Variants in ZSCAN1 observed in about 807,000 individuals in gnomAD.
ZSCAN1 encodes zinc finger and SCAN domain containing 1.
ZSCAN1 carries 23 observed loss-of-function variants against 23.8 expected under a neutral mutation model. The observed-to-expected ratio is 0.97, with a 90% CI of 0.70 to 1.37. ZSCAN1 has a LOEUF of 1.37. Among genes scored for constraint, ZSCAN1 ranks in the 40% most tolerant of loss-of-function variants. The pLI, the probability that ZSCAN1 is intolerant of heterozygous loss-of-function variation, is 0.00. For missense variants in ZSCAN1, 575 were observed against 554.0 expected (o/e 1.04, Z -0.38); for synonymous variants, 236 against 232.3 (o/e 1.02, Z -0.15).
At chr19:58,041,217 G>A (rs1348508352) in intron 4 of ZSCAN1, among the ~76,000 whole-genome samples, 1 of 152,228 alleles carries the variant, frequency 6.6e-6, no homozygotes, top group Non-Finnish European at 1.5e-5. Flanking sequence ...GGGAAACACA[G>A]CACGGTCGAA....
At chr19:58,038,759 G>A (rs759294132) in intron 3 of ZSCAN1, among the ~76,000 whole-genome samples, 1 of 152,190 alleles carries the variant, frequency 6.6e-6, no homozygotes, top group Admixed American at 6.5e-5. Flanking sequence ...GTGACCCCAC[G>A]TCGAGATTCC....
At position 58,046,366 on chromosome 19, in the gene ZSCAN1, T is replaced by G. The variant is rs143404896; in HGVS notation, c.465+5822T>G. The G allele has an allele frequency of 4.1e-4, 378 of 926,044 alleles. 2 individuals are homozygous for G. The African/African-American group carries it at 5.1e-3, about 13-fold the overall frequency. 57.4% of individuals were successfully genotyped at this position (926,044 alleles called of 1,614,324 possible). A position where few individuals can be genotyped will look rare whatever the true frequency, so the allele number is the denominator to read the frequency against. On this transcript the variant is annotated intron_variant, in intron 4 of 5. Coordinates refer to ENST00000282326, the MANE Select transcript of ZSCAN1 (RefSeq NM_182572.4). ...TGGTGAAGAAAAATACATGGAAGGA[T>G]CTAAAGCCAGCAAGAGATTGACAAA...
intron 2 of ZSCAN1, among the ~76,000 whole-genome samples, chr19:58,036,608 T>C (rs1018709686): frequency 6.6e-6 from 1 of 150,546 alleles, no homozygotes; most frequent in East Asian, 2.0e-4. Context: ...CTCCGCCTCC[T>C]GGGTTCAAGC....
In ZSCAN1 at chr19:58,038,100, C is replaced by T. The variant is rs765259125; in HGVS notation, c.264C>T (p.Gly88=). 5.6e-6 allele frequency: 9 copies of T among 1,611,006 alleles called. No homozygotes were observed. Among genetic ancestry groups the T allele is most frequent in the East Asian group, 2.2e-5 (1 of 44,872 alleles). Residue 88 remains glycine (G), a synonymous_variant, in exon 3 of 6, where the codon GGC becomes GGT. Coordinates refer to ENST00000282326, the MANE Select transcript of ZSCAN1 (RefSeq NM_182572.4). ...LELLVLEQFL[G]ALPSKMRTWV... ...TGCTGGTGCTGGAGCAGTTCCTGGG[C>T]GCGCTGCCCAGCAAGATGCGGACCT...
chr19:58,046,585 C>A (rs768713826), intron 4 of ZSCAN1: 2 of 841,242 alleles, frequency 2.4e-6, no homozygotes, highest in Admixed American at 1.7e-5. Flanking sequence ...GGCCGCAGCA[C>A]TGAATGAAAA....
intron 3 of ZSCAN1, among the ~76,000 whole-genome samples, chr19:58,039,063 C>T (rs538895175): frequency 1.3e-5 from 2 of 152,362 alleles, no homozygotes; most frequent in African/African-American, 4.8e-5. Flanking sequence ...ACAGCATTTC[C>T]GTAGACCAAC....
At chr19:58,041,001 T>C (rs571862982) in intron 4 of ZSCAN1, among the ~76,000 whole-genome samples, 1 of 152,112 alleles carries the variant, frequency 6.6e-6, no homozygotes, top group South Asian at 2.1e-4. Flanking sequence ...CCCGGCTCGG[T>C]TGGGAGCCAA....
rs2073760553 is a variant in ZSCAN1 at position 58,038,645 on chromosome 19, CTG to C, written c.370+440_370+441del. Among the ~76,000 whole-genome samples, 15 of 152,352 alleles carry C rather than the reference CTG, an allele frequency of 9.8e-5. No individual in the cohort carries two copies. The South Asian group carries it at 3.1e-3, about 32-fold the overall frequency. ...AGACGCTTAGGTCTGCATCCCGACT[CTG>C]GGAGCTGGGAAATTTGGGGTTGAAA... On this transcript the variant is annotated intron_variant, in intron 3 of 5. Coordinates refer to ENST00000282326, the MANE Select transcript of ZSCAN1 (RefSeq NM_182572.4).
chr19:58,044,599 CT>C, intron 4 of ZSCAN1: 1 of 1,015,158 alleles, frequency 9.9e-7, no homozygotes, highest in Non-Finnish European at 1.5e-6. Context: ...CGGCGTCCAT[CT>C]TAATGAGGAG....
In ZSCAN1 at chr19:58,049,802, G is replaced by GC. The variant is rs140847336; in HGVS notation, c.466-2687dup. ...GCTGGGGTCCCTGGTGGTTCCCACC[G>GC]CGTAGCTGATACTCGTGGCCCCTGC... On this transcript the variant is annotated intron_variant, in intron 4 of 5. Coordinates refer to ENST00000282326, the MANE Select transcript of ZSCAN1 (RefSeq NM_182572.4). The surrounding 1 kb of genome is among the most constrained non-coding windows in gnomAD (Gnocchi z 4.5). Among the ~76,000 whole-genome samples the GC allele has an allele frequency of 0.016, 2,492 of 152,310 alleles. 18 individuals carry two copies. The highest frequency in any genetic ancestry group is 0.023 in the Non-Finnish European group (1,572 of 68,030).
chr19:58,041,640 G>C (rs1317585285), intron 4 of ZSCAN1, among the ~76,000 whole-genome samples: 1 of 152,176 alleles, frequency 6.6e-6, no homozygotes, highest in Non-Finnish European at 1.5e-5. Flanking sequence ...GAGGCCTCAC[G>C]GGAGGCTGAG....
chr19:58,044,858 C>A, intron 4 of ZSCAN1: 1 of 770,890 alleles, frequency 1.3e-6, no homozygotes, highest in Non-Finnish European at 2.3e-6. Flanking sequence ...TGGACCTCCA[C>A]CTCTGTGGGT....
At position 58,053,896 on chromosome 19, in the gene ZSCAN1, C is replaced by CG. The variant is rs2123447282; in HGVS notation, c.1075dup (p.Glu359GlyfsTer25). 6.2e-7 allele frequency: 1 copy of CG among 1,613,244 alleles called. No homozygotes were observed. Among genetic ancestry groups the CG allele is most frequent in the Non-Finnish European group, 8.5e-7 (1 of 1,179,358 alleles). On this transcript the variant is annotated frameshift_variant, in exon 6 of 6. Coordinates refer to ENST00000282326, the MANE Select transcript of ZSCAN1 (RefSeq NM_182572.4). LOFTEE classifies it low-confidence loss of function (END_TRUNC). This position sits in a 1 kb window ranked among gnomAD's most constrained non-coding sequence, Gnocchi z 5.8. The stretch of plus-strand genomic sequence containing the variant: ...GAAAGCCCCCCGGAGCAAGGGCCCC[C>CG]GGGAGTCCGTCCCACCCAGGGATGG...
chr19:58,056,183 A>G (rs148471083), downstream of ZSCAN1, among the ~76,000 whole-genome samples: 424 of 152,270 alleles, frequency 2.8e-3, 2 homozygotes, highest in Middle Eastern at 6.8e-3. Context: ...TCCTGCAGCC[A>G]ACAGGGTCCC....
intron 3 of ZSCAN1, chr19:58,038,524 C>A: frequency 1.8e-6 from 1 of 555,758 alleles, no homozygotes; most frequent in South Asian, 2.4e-5. Context: ...CCACTTCCTC[C>A]CAGCCACCTG....
At position 58,040,371 on chromosome 19, in the gene ZSCAN1, C is replaced by G; in HGVS notation, c.371-79C>G. 2 of 1,485,672 alleles carry G rather than the reference C, an allele frequency of 1.3e-6. No homozygotes were observed. The highest frequency in any genetic ancestry group is 1.9e-6 in the Non-Finnish European group (2 of 1,069,606). The allele number at this position is 1,485,672 out of a possible 1,614,324, so 92.0% of individuals were successfully genotyped here. A position where few individuals can be genotyped will look rare whatever the true frequency, so the allele number is the denominator to read the frequency against. ...TGCTGCAGGGATGTTCGGGGAAAGT[C>G]TGCCCTCCCCAGAAGGCCTGGAGAA... is the stretch of plus-strand genomic sequence containing the variant. On this transcript the variant is annotated intron_variant, in intron 3 of 5. Transcript: ENST00000282326. The surrounding 1 kb of genome is among the most constrained non-coding windows in gnomAD (Gnocchi z 5.8).
At chr19:58,044,868 T>A in intron 4 of ZSCAN1, 1 of 772,026 alleles carries the variant, frequency 1.3e-6, no homozygotes, top group South Asian at 1.4e-5. Flanking sequence ...CCTCTGTGGG[T>A]TTTGTGGTCC....
chr19:58,052,954 CAT>C (rs1452809721), intron 5 of ZSCAN1, among the ~76,000 whole-genome samples: 2 of 126,048 alleles, frequency 1.6e-5, no homozygotes, highest in Non-Finnish European at 3.3e-5. Context: ...GCTCCCAAAA[CAT>C]GTGCCTTTTT....
chr19:58,037,949 G>T lies in ZSCAN1; in HGVS notation c.113G>T (p.Arg38Leu). 1 of 1,603,836 alleles carries T rather than the reference G, an allele frequency of 6.2e-7. No homozygotes were observed. Among genetic ancestry groups the T allele is most frequent in the African/African-American group, 1.3e-5 (1 of 74,948 alleles). ...PASPRDTEAQ[R>L]LRFRQFQYHV... ...AGCCCCAGGGACACCGAAGCCCAGCGTCTGCGCTTCCGGCAGTTCCAGTAC... is the reference window on the plus strand; with the variant it reads ...AGCCCCAGGGACACCGAAGCCCAGCTTCTGCGCTTCCGGCAGTTCCAGTAC... Residue 38 changes from arginine (R) to leucine (L), a missense_variant, in exon 3 of 6, where the codon CGT becomes CTT. Coordinates refer to ENST00000282326, the MANE Select transcript of ZSCAN1 (RefSeq NM_182572.4).
Sources: allele counts gnomAD v4.1 joint callset (sites outside exome capture counted in the v4.1 genomes callset), GRCh38; gene constraint gnomAD v4.1.1; non-coding constraint Gnocchi (gnomAD v3.1); transcripts MANE v1.5; gene names NCBI Gene and HGNC (gene_info 2026-07-23, HGNC 2026-07-21).